The following UNC80 variants were observed in gnomAD, a reference collection of about 807,000 sequenced individuals.
The protein encoded by UNC80 is protein unc-80 homolog.
Under a neutral mutation model 384.6 loss-of-function variants are expected in UNC80, and 164 were observed. That is an observed-to-expected ratio of 0.43 (90% CI 0.38 to 0.49). The LOEUF (loss-of-function observed/expected upper bound fraction) is 0.49, where lower values mean the gene tolerates loss of function less well. Among genes scored for constraint, UNC80 ranks in the 20% least tolerant of loss-of-function variants. UNC80 has a pLI of 0.00. For synonymous variants in UNC80, 1,486 were observed against 1,527.8 expected (o/e 0.97, Z 0.64); for missense variants, 3,330 against 4,143.0 (o/e 0.80, Z 5.39).
chr2:209,794,759 C>T (rs1337050063), intron 7 of UNC80: 4 of 453,128 alleles, frequency 8.8e-6, no homozygotes, highest in Non-Finnish European at 1.3e-5. Context: ...CCACTTTTGT[C>T]TCTTCTTCAT....
intron 8 of UNC80, among the ~76,000 whole-genome samples, chr2:209,814,400 C>G (rs6707679): frequency 0.17 from 25,560 of 152,012 alleles, 3,252 homozygotes; most frequent in African/African-American, 0.36. Context: ...CCCGCCACCA[C>G]ACCCGGCTAA....
chr2:209,810,556 CCTT>C (rs2079266128), intron 7 of UNC80, among the ~76,000 whole-genome samples: 1 of 151,950 alleles, frequency 6.6e-6, no homozygotes, highest in Admixed American at 6.6e-5. Flanking sequence ...CAACCTCCCT[CCTT>C]CGTATCCTTC....
At chr2:209,989,702 C>T (rs971218780) in intron 61 of UNC80, among the ~76,000 whole-genome samples, 1 of 152,120 alleles carries the variant, frequency 6.6e-6, no homozygotes, top group Admixed American at 6.5e-5. Context: ...TCTAGTATTG[C>T]ACATCTTATA....
At chr2:209,781,685 T>C (rs1204168464) in intron 4 of UNC80, among the ~76,000 whole-genome samples, 2 of 152,146 alleles carry the variant, frequency 1.3e-5, no homozygotes, top group East Asian at 3.9e-4. Flanking sequence ...TCTTGACACT[T>C]TGTTCTTCTC....
intron 16 of UNC80, among the ~76,000 whole-genome samples, chr2:209,833,321 C>CAG (rs1174181798): frequency 6.7e-6 from 1 of 149,032 alleles, no homozygotes; most frequent in African/African-American, 2.5e-5. Flanking sequence ...TCTTCATGAG[C>CAG]AGAGAGAGAG....
chr2:209,859,503 T>A (rs947905486), intron 22 of UNC80, among the ~76,000 whole-genome samples: 3 of 152,228 alleles, frequency 2.0e-5, no homozygotes, highest in African/African-American at 7.2e-5. Flanking sequence ...TACGTGTGCA[T>A]GTGTCTTTAT....
chr2:209,804,616 A>C (rs1245986141), intron 7 of UNC80, among the ~76,000 whole-genome samples: 1 of 151,874 alleles, frequency 6.6e-6, no homozygotes, highest in Non-Finnish European at 1.5e-5. Context: ...AGATAATCTC[A>C]TTTCTATTTT....
chr2:209,975,100 A>C (rs1575192945), intron 56 of UNC80, among the ~76,000 whole-genome samples: 1 of 152,184 alleles, frequency 6.6e-6, no homozygotes, highest in South Asian at 2.1e-4. Context: ...GGCATATGTG[A>C]CTCTTGAGGA....
intron 32 of UNC80, 62 bp downstream of exon 32, chr2:209,918,020 C>G: frequency 5.4e-6 from 8 of 1,478,624 alleles, no homozygotes; most frequent in Non-Finnish European, 7.3e-6. Context: ...TTGTTTAAAC[C>G]GTTGAACCTC....
Position 209,977,093 on chromosome 2 carries a change from G to C in UNC80, c.8938+15G>C, listed in dbSNP as rs1223225327. ...TAGTGGATCAGGTGAGTGTGCATGA[G>C]AGTGTTGTGAATTTGTTTGACTAAT... On this transcript the variant is annotated intron_variant, in intron 58 of 64. Transcript: ENST00000673920. The C allele has an allele frequency of 8.1e-6, 12 of 1,474,380 alleles. No homozygotes were observed. The highest frequency in any genetic ancestry group is 1.1e-5 in the Non-Finnish European group (12 of 1,090,622). 91.3% of individuals were successfully genotyped at this position (1,474,380 alleles called of 1,614,324 possible). A position where few individuals can be genotyped will look rare whatever the true frequency, so the allele number is the denominator to read the frequency against.
At chr2:209,780,577 T>C (rs1051611491) in intron 4 of UNC80, among the ~76,000 whole-genome samples, 1 of 152,184 alleles carries the variant, frequency 6.6e-6, no homozygotes, top group Non-Finnish European at 1.5e-5. Context: ...CACTGTCCTA[T>C]GCATTGTAGG....
chr2:209,890,250 G>A (rs1184063113), intron 26 of UNC80, among the ~76,000 whole-genome samples: 1 of 152,110 alleles, frequency 6.6e-6, no homozygotes, highest in African/African-American at 2.4e-5. Context: ...TGTTAGTGAT[G>A]CATCATTTCT....
Position 209,894,378 on chromosome 2 carries a change from G to A in UNC80, c.4480+12G>A. The A allele has an allele frequency of 1.0e-6, 1 of 985,178 alleles. No homozygotes were observed. Among genetic ancestry groups the A allele is most frequent in the Non-Finnish European group, 1.2e-6 (1 of 829,744 alleles). 61.0% of individuals were successfully genotyped at this position (985,178 alleles called of 1,614,324 possible). ...TGTCACTGACCTAGGTAACATAGAGGAGTGGGGTGTGCAGGGACGTGGGGG... is the reference window on the plus strand; with the variant it reads ...TGTCACTGACCTAGGTAACATAGAGAAGTGGGGTGTGCAGGGACGTGGGGG... On this transcript the variant is annotated intron_variant, in intron 27 of 64. Transcript: ENST00000673920.
At chr2:209,801,443 C>T (rs1255012429) in intron 7 of UNC80, among the ~76,000 whole-genome samples, 1 of 133,122 alleles carries the variant, frequency 7.5e-6, no homozygotes, top group Admixed American at 8.6e-5. Flanking sequence ...AGTGCAGTGG[C>T]ACAATCTCGG....
chr2:209,903,600 T>C (rs2087793106), intron 28 of UNC80, among the ~76,000 whole-genome samples: 2 of 96,888 alleles, frequency 2.1e-5, no homozygotes, highest in African/African-American at 8.7e-5. Context: ...ATATATACTA[T>C]ATATATAGTA....
At chr2:209,903,351 TGGACA>T in intron 28 of UNC80, among the ~76,000 whole-genome samples, 1 of 132,588 alleles carries the variant, frequency 7.5e-6, no homozygotes, top group African/African-American at 2.8e-5. Context: ...TGTGTGTGTG[TGGACA>T]GTGTGGACTC....
rs71409845 is a variant in UNC80, at chr2:209,866,490, C to CCACACACA, written c.3628-6231_3628-6224dup. Among the ~76,000 whole-genome samples, 652 of 107,346 alleles carry CCACACACA rather than the reference C, an allele frequency of 6.1e-3. 8 individuals carry two copies. Among genetic ancestry groups the CCACACACA allele is most frequent in the African/African-American group, 7.9e-3 (219 of 27,816 alleles). The allele number at this position is 107,346 out of a possible 152,430, so 70.4% of individuals were successfully genotyped here. A position where few individuals can be genotyped will look rare whatever the true frequency, so the allele number is the denominator to read the frequency against. ...ACATTCCATAATACAAAATGCACCC[C>CCACACACA]CACACACACACACACACACACACAC... On this transcript the variant is annotated intron_variant, in intron 22 of 64. Coordinates refer to ENST00000673920, the MANE Select transcript of UNC80 (RefSeq NM_001371986.1).
At chr2:209,881,716 A>AT (rs1447010691) in intron 25 of UNC80, among the ~76,000 whole-genome samples, 1 of 152,116 alleles carries the variant, frequency 6.6e-6, no homozygotes, top group African/African-American at 2.4e-5. Flanking sequence ...AACCAATGAT[A>AT]TAAATATAAA....
intron 12 of UNC80, 73 bp from the exon 13 acceptor site, chr2:209,820,238 G>A: frequency 1.4e-6 from 2 of 1,450,620 alleles, no homozygotes; most frequent in Non-Finnish European, 1.8e-6. Context: ...GGGTTAAACA[G>A]AATAATCAGA....
Sources: allele counts gnomAD v4.1 joint callset (sites outside exome capture counted in the v4.1 genomes callset), GRCh38; gene constraint gnomAD v4.1.1; transcripts MANE v1.5; gene names NCBI Gene and HGNC (gene_info 2026-07-23, HGNC 2026-07-21).